Variants in HUNK observed in about 807,000 individuals in gnomAD.
The protein encoded by HUNK is hormonally up-regulated Neu-associated kinase, also known as hormonally up-regulated neu tumor-associated kinase.
A neutral mutation model predicts 61.0 loss-of-function variants in HUNK; 21 were observed. That is an observed-to-expected ratio of 0.34 (90% CI 0.24 to 0.50). HUNK has a LOEUF of 0.50. HUNK is among the 20% of genes least tolerant of loss of function. The pLI, the probability that HUNK is intolerant of heterozygous loss-of-function variation, is 0.98. For missense variants in HUNK, 772 were observed against 945.7 expected (o/e 0.82, Z 2.41); for synonymous variants, 371 against 386.1 (o/e 0.96, Z 0.46).
intron 1 of HUNK, among the ~76,000 whole-genome samples, chr21:31,906,280 A>T (rs185241891): frequency 1.2e-4 from 19 of 152,318 alleles, no homozygotes; most frequent in African/African-American, 4.6e-4. Context: ...AGGATTTCTC[A>T]GTGCTGGGAC....
At chr21:31,938,768 T>TGTGTGC (rs1255038342) in intron 2 of HUNK, among the ~76,000 whole-genome samples, 48 of 152,346 alleles carry the variant, frequency 3.2e-4, no homozygotes, top group African/African-American at 1.2e-3. Context: ...TGTGTCTGTG[T>TGTGTGC]GTGTGCGTGT....
rs1465791585 is a variant in HUNK at position 31,945,541 on chromosome 21, A to T, written c.611-495A>T. Among the ~76,000 whole-genome samples the T allele has an allele frequency of 2.0e-5, 3 of 152,202 alleles. No homozygotes were observed. In the East Asian group the frequency reaches 5.8e-4, roughly 29 times the overall value. ...TAAAAGACTTTCATGAAACGAAAAC[A>T]TTCAGCTGAAAAAGTCAACTGTAAG... is the stretch of plus-strand genomic sequence containing the variant. On this transcript the variant is annotated intron_variant, in intron 3 of 10. Transcript: ENST00000270112.
At chr21:31,913,756 G>A (rs565040020) in intron 1 of HUNK, among the ~76,000 whole-genome samples, 1 of 152,024 alleles carries the variant, frequency 6.6e-6, no homozygotes. Flanking sequence ...GCAGAGGAAG[G>A]CCTGGGATAG....
intron 9 of HUNK, among the ~76,000 whole-genome samples, chr21:31,991,246 C>A (rs1420738269): frequency 6.6e-6 from 1 of 151,782 alleles, no homozygotes. Flanking sequence ...GAGGTGGAGT[C>A]TTGCTGTGTC....
At chr21:31,902,057 A>C (rs1026817025) in intron 1 of HUNK, among the ~76,000 whole-genome samples, 25 of 152,050 alleles carry the variant, frequency 1.6e-4, no homozygotes, top group African/African-American at 5.8e-4. Flanking sequence ...AGCCATATAA[A>C]CCTCCAACTG....
At chr21:31,911,666 A>C (rs975453471) in intron 1 of HUNK, among the ~76,000 whole-genome samples, 1 of 151,940 alleles carries the variant, frequency 6.6e-6, no homozygotes, top group Non-Finnish European at 1.5e-5. Context: ...GACAGCTCAG[A>C]CAAGTTTGGG....
intron 7 of HUNK, among the ~76,000 whole-genome samples, chr21:31,982,274 T>C (rs73901243): frequency 0.015 from 2,346 of 152,304 alleles, 57 homozygotes; most frequent in African/African-American, 0.053. Context: ...GCTTAAATCA[T>C]AGGGCATACC....
chr21:31,917,648 A>G (rs1317640857), intron 1 of HUNK, among the ~76,000 whole-genome samples: 1 of 146,770 alleles, frequency 6.8e-6, no homozygotes, highest in Non-Finnish European at 1.5e-5. Context: ...TGTGCTCATG[A>G]TGACATCCAG....
At chr21:31,996,202 G>A (rs2053204829) in intron 10 of HUNK, among the ~76,000 whole-genome samples, 1 of 152,206 alleles carries the variant, frequency 6.6e-6, no homozygotes, top group Admixed American at 6.5e-5. Context: ...AAATTGGGGT[G>A]GATGATATTG....
rs1420881864 is a variant in HUNK at position 31,940,164 on chromosome 21, GA to G, written c.555del (p.Asp186ThrfsTer2). On this transcript the variant is annotated frameshift_variant and splice_region_variant, in exon 3 of 11. Transcript: ENST00000270112. LOFTEE classifies it high-confidence loss of function. The part of the protein sequence containing the change: ...EHLHRAGVVH[R>X]DLKIENLLLD... ...ATGCTGTGTGGTTTTGTTTATTTCA[GA>G]GACTTGAAGATAGAGAATTTGCTAC... The G allele has an allele frequency of 6.3e-7, 1 of 1,586,508 alleles. No individual in the cohort carries two copies.
intron 6 of HUNK, among the ~76,000 whole-genome samples, chr21:31,973,199 A>T (rs1177517623): frequency 6.6e-6 from 1 of 152,036 alleles, no homozygotes; most frequent in Non-Finnish European, 1.5e-5. Flanking sequence ...GTTCTAGGGT[A>T]CATGTGCACA....
At chr21:31,928,539 A>G (rs2052676465) in intron 2 of HUNK, among the ~76,000 whole-genome samples, 1 of 152,224 alleles carries the variant, frequency 6.6e-6, no homozygotes, top group Non-Finnish European at 1.5e-5. Flanking sequence ...TTATAATCCA[A>G]TAATGGCAAG....
rs2053029210 is a variant in HUNK, at chr21:31,973,682, GCTGT to G, written c.1011-871_1011-868del. 3.9e-5 allele frequency among the ~76,000 whole-genome samples: 6 copies of G among 152,124 alleles called. 1 individual carries two copies. ...CCGGCTGCCGGTTCTTAATTCTAGGGCTGTCACTTCCTGCCTGTGTGACCCTGGG... is the reference window on the plus strand; with the variant it reads ...CCGGCTGCCGGTTCTTAATTCTAGGGCACTTCCTGCCTGTGTGACCCTGGG... On this transcript the variant is annotated intron_variant, in intron 6 of 10. Coordinates refer to ENST00000270112, the MANE Select transcript of HUNK (RefSeq NM_014586.2).
At chr21:31,985,733 G>T (rs1241596962) in intron 8 of HUNK, among the ~76,000 whole-genome samples, 4 of 152,234 alleles carry the variant, frequency 2.6e-5, no homozygotes, top group Non-Finnish European at 5.9e-5. Flanking sequence ...TAGTTGTCCT[G>T]AGGATGTTAG....
At chr21:31,892,861 G>T (rs1460740745) in intron 1 of HUNK, among the ~76,000 whole-genome samples, 1 of 152,038 alleles carries the variant, frequency 6.6e-6, no homozygotes, top group Non-Finnish European at 1.5e-5. Flanking sequence ...CTTTCCTCTT[G>T]CCCACCTCTG....
chr21:31,888,987 G>T (rs1050104067), intron 1 of HUNK, among the ~76,000 whole-genome samples: 6 of 152,136 alleles, frequency 3.9e-5, no homozygotes, highest in Non-Finnish European at 7.4e-5. Context: ...GTTCGCATCA[G>T]TCTAACTCTA....
chr21:31,908,387 G>T (rs1052562017), intron 1 of HUNK, among the ~76,000 whole-genome samples: 3 of 152,080 alleles, frequency 2.0e-5, no homozygotes, highest in African/African-American at 7.2e-5. Context: ...CCGGGAGGGT[G>T]GGGGAGTGCT....
At chr21:31,961,736 G>A (rs574226613) in intron 5 of HUNK, among the ~76,000 whole-genome samples, 67 of 152,306 alleles carry the variant, frequency 4.4e-4, no homozygotes, top group African/African-American at 1.5e-3. Flanking sequence ...TGAGGGTTCA[G>A]AGCCTGTTTT....
chr21:31,976,459 C>CTTTTTTTT (rs34950116), intron 7 of HUNK, among the ~76,000 whole-genome samples: 26 of 63,626 alleles, frequency 4.1e-4, no homozygotes, highest in Non-Finnish European at 4.7e-4. Flanking sequence ...TTTTTTGAGA[C>CTTTTTTTT]TTTTTTTTTT....
Sources: allele counts gnomAD v4.1 joint callset (sites outside exome capture counted in the v4.1 genomes callset), GRCh38; gene constraint gnomAD v4.1.1; transcripts MANE v1.5; gene names NCBI Gene and HGNC (gene_info 2026-07-23, HGNC 2026-07-21).